The following CR1L variants were observed in gnomAD, a reference collection of about 807,000 sequenced individuals.
CR1L encodes complement component receptor 1-like protein.
CR1L carries 59 observed loss-of-function variants against 62.3 expected under a neutral mutation model. The observed-to-expected ratio is 0.95, with a 90% CI of 0.77 to 1.18. The LOEUF (loss-of-function observed/expected upper bound fraction) is 1.18, where lower values mean the gene tolerates loss of function less well. CR1L is among the 50% of genes most tolerant of loss of function. The pLI is 0.00. For missense variants in CR1L, 700 were observed against 702.8 expected, an observed-to-expected ratio of 1.00 and a Z score of 0.04; for synonymous variants, 279 against 248.7, an observed-to-expected ratio of 1.12 and a Z score of -1.15.
intron 1 of CR1L, chr1:207,657,495 A>G: frequency 2.3e-6 from 1 of 433,590 alleles, no homozygotes; most frequent in Non-Finnish European, 4.1e-6. Flanking sequence ...AGAGTTCTCT[A>G]TTTTTCACCC....
chr1:207,721,682 T>C (rs1282665217), intron 11 of CR1L, among the ~76,000 whole-genome samples: 1 of 150,908 alleles, frequency 6.6e-6, no homozygotes, highest in Admixed American at 6.6e-5. Context: ...AGCAGCATGA[T>C]TTATAGTCCT....
At chr1:207,649,897 T>C (rs1558009097) in intron 1 of CR1L, among the ~76,000 whole-genome samples, 2 of 152,196 alleles carry the variant, frequency 1.3e-5, no homozygotes, top group African/African-American at 4.8e-5. Context: ...ACCTATTTAG[T>C]TATGTCGTGG....
chr1:207,660,612 T>G (rs1481693319), intron 1 of CR1L, among the ~76,000 whole-genome samples: 1 of 152,242 alleles, frequency 6.6e-6, no homozygotes, highest in Non-Finnish European at 1.5e-5. Context: ...GATCCATTGA[T>G]TTTTTGAAGG....
chr1:207,701,635 A>G lies in CR1L; in HGVS notation c.1328+17A>G. Reference sequence around the variant, plus strand: ...TACTACAGGGTGAGTTGGCAGCAACATCTCTTGGTTCCAGAGTTCCAGCAC... The same window carrying G: ...TACTACAGGGTGAGTTGGCAGCAACGTCTCTTGGTTCCAGAGTTCCAGCAC... On this transcript the variant is annotated intron_variant, in intron 9 of 11. Transcript: ENST00000508064. The G allele has an allele frequency of 6.2e-7, 1 of 1,613,504 alleles. No individual in the cohort carries two copies. Among genetic ancestry groups the G allele is most frequent in the Non-Finnish European group, 8.5e-7 (1 of 1,179,560 alleles).
At chr1:207,697,740 G>C (rs1473069261) in intron 6 of CR1L, 31 bp from the exon 7 acceptor site, 3 of 1,613,908 alleles carry the variant, frequency 1.9e-6, no homozygotes, top group Non-Finnish European at 2.5e-6. Flanking sequence ...CCACATGCCA[G>C]TTATTTCTGT....
chr1:207,690,680 C>T (rs1050171279), intron 4 of CR1L, among the ~76,000 whole-genome samples: 5 of 152,196 alleles, frequency 3.3e-5, no homozygotes, highest in Non-Finnish European at 7.3e-5. Context: ...TTTACTCTCT[C>T]AACAGTTTGG....
intron 3 of CR1L, among the ~76,000 whole-genome samples, chr1:207,682,664 A>G (rs34860402): frequency 0.099 from 15,107 of 152,246 alleles, 1,188 homozygotes; most frequent in East Asian, 0.38. Flanking sequence ...TTTGTAAAAC[A>G]AAGTTCTCAG....
chr1:207,697,884 G>A lies in CR1L; in HGVS notation c.1142+11G>A. Reference sequence around the variant, plus strand: ...TGTTTGTGATGAAGGGTGAGTATGAGCTTGCCTGACCTGCTGGACATTGAA... The same window carrying A: ...TGTTTGTGATGAAGGGTGAGTATGAACTTGCCTGACCTGCTGGACATTGAA... On this transcript the variant is annotated intron_variant, in intron 7 of 11. Coordinates refer to ENST00000508064, the MANE Select transcript of CR1L (RefSeq NM_175710.2). 3 of 1,613,652 alleles carry A rather than the reference G, an allele frequency of 1.9e-6. No individual in the cohort carries two copies. Among genetic ancestry groups the A allele is most frequent in the Non-Finnish European group, 2.5e-6 (3 of 1,179,740 alleles).
intron 1 of CR1L, among the ~76,000 whole-genome samples, chr1:207,658,026 A>G (rs1212997892): frequency 6.6e-6 from 1 of 152,260 alleles, no homozygotes; most frequent in Non-Finnish European, 1.5e-5. Flanking sequence ...ACACTCCTAA[A>G]TAATCCATGC....
At position 207,674,540 on chromosome 1, in the gene CR1L, ATATTAT is replaced by A. The variant is rs761543317; in HGVS notation, c.98-2846_98-2841del. Among the ~76,000 whole-genome samples, 53 of 152,316 alleles carry A rather than the reference ATATTAT, an allele frequency of 3.5e-4. 1 individual carries two copies. The highest frequency in any genetic ancestry group is 2.5e-3 in the South Asian group (12 of 4,826). ...CTTTTTTGGGCTACTACGCAAATTT[ATATTAT>A]TACCTATACTATGCATATACTACTA... On this transcript the variant is annotated intron_variant, in intron 1 of 11. Coordinates refer to ENST00000508064, the MANE Select transcript of CR1L (RefSeq NM_175710.2).
chr1:207,664,992 T>C (rs1050917283), intron 1 of CR1L, among the ~76,000 whole-genome samples: 1 of 152,250 alleles, frequency 6.6e-6, no homozygotes, highest in Non-Finnish European at 1.5e-5. Flanking sequence ...CACATTACTT[T>C]TATGATTTAT....
rs1379359325 is a variant in CR1L at position 207,722,991 on chromosome 1, T to C, written c.1643-627T>C. 2.0e-5 allele frequency among the ~76,000 whole-genome samples: 3 copies of C among 152,358 alleles called. No individual in the cohort carries two copies. The East Asian group carries it at 5.8e-4, about 29-fold the overall frequency. On this transcript the variant is annotated intron_variant, in intron 11 of 11. Transcript: ENST00000508064. The stretch of plus-strand genomic sequence containing the variant: ...ATTAGTTTGCCTTTGTTGTAACTTA[T>C]ATTTCTAGTATATAAATATGTGAAA...
chr1:207,718,765 A>C (rs1654065980), intron 11 of CR1L, among the ~76,000 whole-genome samples: 1 of 152,120 alleles, frequency 6.6e-6, no homozygotes, highest in Non-Finnish European at 1.5e-5. Flanking sequence ...CTGTATGTTG[A>C]AAAAATGACT....
chr1:207,670,876 C>T (rs1297655624), intron 1 of CR1L, among the ~76,000 whole-genome samples: 1 of 151,122 alleles, frequency 6.6e-6, no homozygotes, highest in African/African-American at 2.5e-5. Context: ...CTAAACTAAA[C>T]TACCTAGAAA....
chr1:207,674,371 A>G (rs1180363541), intron 1 of CR1L, among the ~76,000 whole-genome samples: 2 of 152,298 alleles, frequency 1.3e-5, no homozygotes, highest in Middle Eastern at 3.4e-3. Context: ...AGCTATAAAA[A>G]CTTTTTAAAC....
chr1:207,653,981 G>A (rs1415995682), intron 1 of CR1L, among the ~76,000 whole-genome samples: 1 of 152,164 alleles, frequency 6.6e-6, no homozygotes, highest in African/African-American at 2.4e-5. Context: ...CAAAGCACAA[G>A]GGAGGGGCTC....
Position 207,652,736 on chromosome 1 carries a change from G to A in CR1L, c.97+7406G>A. On this transcript the variant is annotated intron_variant, in intron 1 of 11. Coordinates refer to ENST00000508064, the MANE Select transcript of CR1L (RefSeq NM_175710.2). The stretch of plus-strand genomic sequence containing the variant: ...CCTGTCTCAGATGAGCCCTGTTATA[G>A]TAAATAAACTAGCCTTTTTTTTTTG... 2 of 783,110 alleles carry A rather than the reference G, an allele frequency of 2.6e-6. 1 individual carries two copies. The highest frequency in any genetic ancestry group is 4.5e-6 in the Non-Finnish European group (2 of 444,368). 48.5% of individuals were successfully genotyped at this position (783,110 alleles called of 1,614,324 possible).
At chr1:207,664,522 A>G (rs979316499) in intron 1 of CR1L, among the ~76,000 whole-genome samples, 1 of 152,186 alleles carries the variant, frequency 6.6e-6, no homozygotes, top group African/African-American at 2.4e-5. Flanking sequence ...GGACTGATAT[A>G]TGAGCAAAAC....
At chr1:207,714,365 T>A (rs185483173) in intron 10 of CR1L, among the ~76,000 whole-genome samples, 41 of 151,570 alleles carry the variant, frequency 2.7e-4, no homozygotes, top group Middle Eastern at 6.8e-3. Context: ...AGATGAAGAG[T>A]GGGGATCAAT....
Sources: gnomAD v4.1 joint callset for allele counts (sites outside exome capture counted in the v4.1 genomes callset) on GRCh38, gnomAD v4.1.1 for gene constraint, MANE v1.5 for transcripts, NCBI Gene and HGNC (gene_info 2026-07-23, HGNC 2026-07-21) for gene names.